The following ADAMTS16 variants were observed in gnomAD, a reference collection of about 807,000 sequenced individuals.
The protein encoded by ADAMTS16 is A disintegrin and metalloproteinase with thrombospondin motifs 16.
Under a neutral mutation model 145.8 loss-of-function variants are expected in ADAMTS16, and 94 were observed. The ratio of observed to expected loss-of-function variants is 0.64; its 90% CI spans 0.55 to 0.77. The LOEUF (loss-of-function observed/expected upper bound fraction) is 0.77. Ranked by LOEUF, ADAMTS16 falls within the 30% of genes least tolerant of loss-of-function variation. The probability of loss-of-function intolerance (pLI) is 0.00; values close to 1 mark genes in which losing one functional copy is unlikely to be tolerated. For synonymous variants in ADAMTS16, 659 were observed against 604.3 expected (o/e 1.09, Z -1.33); for missense variants, 1,585 against 1,591.5 (o/e 1.00, Z 0.07).
At chr5:5,315,643 C>G (rs137964067) in intron 21 of ADAMTS16, among the ~76,000 whole-genome samples, 1 of 152,042 alleles carries the variant, frequency 6.6e-6, no homozygotes, top group Non-Finnish European at 1.5e-5. Flanking sequence ...TGACCACAGC[C>G]CCAAGGTTCT....
chr5:5,304,629 C>T (rs1739951640), intron 20 of ADAMTS16, among the ~76,000 whole-genome samples: 1 of 152,074 alleles, frequency 6.6e-6, no homozygotes, highest in African/African-American at 2.4e-5. Flanking sequence ...CGAACGATGG[C>T]TTCTTTGTTC....
intron 18 of ADAMTS16, among the ~76,000 whole-genome samples, chr5:5,274,397 C>A (rs1738602650): frequency 6.6e-6 from 1 of 152,148 alleles, no homozygotes; most frequent in East Asian, 1.9e-4. Flanking sequence ...CAACCGCTGC[C>A]CTATTTACTG....
intron 8 of ADAMTS16, among the ~76,000 whole-genome samples, chr5:5,193,964 T>G (rs1294889732): frequency 6.6e-6 from 1 of 151,772 alleles, no homozygotes; most frequent in Non-Finnish European, 1.5e-5. Flanking sequence ...TAGCCAGGCA[T>G]GGTGGTGTGC....
At chr5:5,289,109 C>G (rs990143773) in intron 18 of ADAMTS16, among the ~76,000 whole-genome samples, 1 of 152,176 alleles carries the variant, frequency 6.6e-6, no homozygotes, top group Non-Finnish European at 1.5e-5. Context: ...TCTCACACCA[C>G]TTATGTCACC....
At chr5:5,152,348 G>A (rs1288266286) in intron 3 of ADAMTS16, among the ~76,000 whole-genome samples, 4 of 152,228 alleles carry the variant, frequency 2.6e-5, no homozygotes, top group African/African-American at 9.6e-5. Context: ...TTCCTGTCTT[G>A]AAACTTTAAC....
chr5:5,208,028 G>T (rs1736175770), intron 9 of ADAMTS16, among the ~76,000 whole-genome samples: 1 of 152,132 alleles, frequency 6.6e-6, no homozygotes. Context: ...GGATAATGCT[G>T]ACCTCATCTT....
chr5:5,160,082 T>A (rs533290540), intron 3 of ADAMTS16, among the ~76,000 whole-genome samples: 3 of 152,324 alleles, frequency 2.0e-5, no homozygotes, highest in African/African-American at 7.2e-5. Flanking sequence ...ATAGCACATG[T>A]CTAGCTGAAA....
At chr5:5,258,494 A>G (rs548720536) in intron 17 of ADAMTS16, among the ~76,000 whole-genome samples, 1 of 152,364 alleles carries the variant, frequency 6.6e-6, no homozygotes, top group East Asian at 1.9e-4. Flanking sequence ...TCCGTGTTTT[A>G]ATGAATGAGC....
Position 5,319,510 on chromosome 5 carries a change from A to G in ADAMTS16, c.*372A>G. 1 of 298,400 alleles carries G rather than the reference A, an allele frequency of 3.4e-6. No homozygotes were observed. The highest frequency in any genetic ancestry group is 3.3e-5 in the South Asian group (1 of 29,962). The allele number at this position is 298,400 out of a possible 1,614,324, so 18.5% of individuals were successfully genotyped here. On this transcript the variant is annotated 3_prime_UTR_variant, in exon 23 of 23. Transcript: ENST00000274181. ...GCTAAATGTCTGGTGCCTTAGAAAA[A>G]GAAGGAAAGGCCATGAAATAAGGAA...
chr5:5,233,820 T>C (rs1396086687), intron 12 of ADAMTS16, among the ~76,000 whole-genome samples: 1 of 152,198 alleles, frequency 6.6e-6, no homozygotes, highest in East Asian at 1.9e-4. Flanking sequence ...GCGTGTGTCT[T>C]TATGGTAGAA....
At chr5:5,209,008 C>A in intron 9 of ADAMTS16, 85 bp from the exon 10 acceptor site, 1 of 1,441,546 alleles carries the variant, frequency 6.9e-7, no homozygotes, top group South Asian at 1.4e-5. Context: ...TGTAAAATTA[C>A]ATGGGGGAGA....
intron 21 of ADAMTS16, among the ~76,000 whole-genome samples, chr5:5,316,643 CT>C (rs1734067709): frequency 1.3e-5 from 2 of 152,202 alleles, no homozygotes; most frequent in Non-Finnish European, 2.9e-5. Flanking sequence ...TTCCCTCTCT[CT>C]CCCTGTGCTG....
intron 3 of ADAMTS16, among the ~76,000 whole-genome samples, chr5:5,159,848 C>A (rs1438203608): frequency 1.3e-5 from 2 of 152,152 alleles, no homozygotes; most frequent in African/African-American, 2.4e-5. Context: ...ATCACTTGTG[C>A]TTAACAAGTT....
intron 18 of ADAMTS16, among the ~76,000 whole-genome samples, chr5:5,286,948 C>G (rs1183927981): frequency 6.6e-6 from 1 of 150,714 alleles, no homozygotes; most frequent in African/African-American, 2.4e-5. Context: ...AAAGATTCAA[C>G]CAATGAGTAC....
At chr5:5,173,966 A>ATCT (rs893726975) in intron 3 of ADAMTS16, among the ~76,000 whole-genome samples, 1 of 152,194 alleles carries the variant, frequency 6.6e-6, no homozygotes, top group African/African-American at 2.4e-5. Context: ...TCTACTCAAG[A>ATCT]TATGAGTGAT....
intron 9 of ADAMTS16, among the ~76,000 whole-genome samples, chr5:5,200,640 A>T (rs915436652): frequency 6.6e-6 from 1 of 152,190 alleles, no homozygotes; most frequent in Non-Finnish European, 1.5e-5. Context: ...ATAATAAAGC[A>T]TAACTTTTTT....
intron 12 of ADAMTS16, among the ~76,000 whole-genome samples, chr5:5,233,603 G>T (rs928065208): frequency 2.6e-5 from 4 of 152,076 alleles, no homozygotes; most frequent in African/African-American, 4.8e-5. Context: ...TTGGTTTTCT[G>T]TCCCTGCGTT....
chr5:5,238,758 A>G (rs1384438873), intron 14 of ADAMTS16, among the ~76,000 whole-genome samples: 1 of 152,192 alleles, frequency 6.6e-6, no homozygotes, highest in Non-Finnish European at 1.5e-5. Flanking sequence ...CTTCTCTGTC[A>G]TTGCATGAGA....
Position 5,169,021 on chromosome 5 carries a change from T to A in ADAMTS16, c.502-13023T>A, listed in dbSNP as rs553508942. 4.3e-4 allele frequency among the ~76,000 whole-genome samples: 66 copies of A among 151,918 alleles called. 1 individual carries two copies. Among genetic ancestry groups the A allele is most frequent in the African/African-American group, 1.6e-3 (66 of 41,408 alleles). ...CTACCTCATACCCATAGCATGGGTA[T>A]CCTATGGCATGGGGGCTAGATGTTT... On this transcript the variant is annotated intron_variant, in intron 3 of 22. Transcript: ENST00000274181.
Sources: gnomAD v4.1 joint callset for allele counts (sites outside exome capture counted in the v4.1 genomes callset) on GRCh38, gnomAD v4.1.1 for gene constraint, MANE v1.5 for transcripts, NCBI Gene and HGNC (gene_info 2026-07-23, HGNC 2026-07-21) for gene names.